ASIC2: variants seen among roughly 807,000 people sequenced by gnomAD.
The protein encoded by ASIC2 is acid sensing ion channel subunit 2, also known as acid-sensing ion channel 2.
Under a neutral mutation model 57.3 loss-of-function variants are expected in ASIC2, and 25 were observed. That is an observed-to-expected ratio of 0.44 (90% CI 0.32 to 0.61). The LOEUF (loss-of-function observed/expected upper bound fraction) is 0.61. Among genes scored for constraint, ASIC2 ranks in the 20% least tolerant of loss-of-function variants. The pLI, the probability that ASIC2 is intolerant of heterozygous loss-of-function variation, is 0.06. For synonymous variants in ASIC2, 319 were observed against 307.5 expected, an observed-to-expected ratio of 1.04 and a Z score of -0.39; for missense variants, 641 against 738.1, an observed-to-expected ratio of 0.87 and a Z score of 1.52.
At chr17:33,498,599 C>T (rs1360757959) in intron 1 of ASIC2, among the ~76,000 whole-genome samples, 4 of 143,216 alleles carry the variant, frequency 2.8e-5, no homozygotes, top group South Asian at 2.2e-4. Context: ...CTTGAATGCA[C>T]GGAGCTGCTC....
At chr17:33,813,683 G>A (rs1397643158) in intron 1 of ASIC2, among the ~76,000 whole-genome samples, 4 of 152,316 alleles carry the variant, frequency 2.6e-5, no homozygotes, top group African/African-American at 7.2e-5. Flanking sequence ...TGATCCGCCC[G>A]CCTGGGCCTC....
chr17:33,874,531 G>A (rs960873443), intron 1 of ASIC2, among the ~76,000 whole-genome samples: 1 of 152,166 alleles, frequency 6.6e-6, no homozygotes, highest in African/African-American at 2.4e-5. Flanking sequence ...TCTTGACCTC[G>A]AGCCCCAGTT....
intron 1 of ASIC2, among the ~76,000 whole-genome samples, chr17:33,113,879 C>G: frequency 6.6e-6 from 1 of 152,202 alleles, no homozygotes; most frequent in Admixed American, 6.5e-5. Flanking sequence ...AACACATGTG[C>G]CCTTTCTGCT....
chr17:33,398,446 C>A (rs1178995328), intron 1 of ASIC2, among the ~76,000 whole-genome samples: 1 of 152,112 alleles, frequency 6.6e-6, no homozygotes, highest in Non-Finnish European at 1.5e-5. Flanking sequence ...AGCATTGGGC[C>A]TCTTGGTGAT....
chr17:34,142,397 A>G (rs1021907447), intron 1 of ASIC2, among the ~76,000 whole-genome samples: 2 of 152,212 alleles, frequency 1.3e-5, no homozygotes, highest in Non-Finnish European at 2.9e-5. Context: ...TTAGAAGTCA[A>G]AAAGTTTGTG....
At chr17:33,916,895 C>T (rs2141962410) in intron 1 of ASIC2, among the ~76,000 whole-genome samples, 1 of 152,294 alleles carries the variant, frequency 6.6e-6, no homozygotes, top group East Asian at 1.9e-4. Context: ...GTAAATGGGG[C>T]TGCTGTGGGA....
chr17:33,326,576 G>A (rs320628), intron 1 of ASIC2, among the ~76,000 whole-genome samples: 126,940 of 152,230 alleles, frequency 0.83, 52,963 homozygotes, highest in East Asian at 1. Context: ...GCACTCAGTT[G>A]TCTAGCAATG....
chr17:33,879,759 T>C (rs188619131), intron 1 of ASIC2, among the ~76,000 whole-genome samples: 16 of 152,316 alleles, frequency 1.1e-4, no homozygotes, highest in African/African-American at 3.1e-4. Flanking sequence ...GCGGACCTTG[T>C]AGACATCTAC....
chr17:33,433,493 C>A (rs188862405), intron 1 of ASIC2, among the ~76,000 whole-genome samples: 1 of 152,290 alleles, frequency 6.6e-6, no homozygotes, highest in South Asian at 2.1e-4. Context: ...CAGTGGCTCA[C>A]GCCTGTAATC....
chr17:33,040,253 A>C (rs1403661023), intron 3 of ASIC2, among the ~76,000 whole-genome samples: 1 of 152,226 alleles, frequency 6.6e-6, no homozygotes, highest in Non-Finnish European at 1.5e-5. Context: ...ATGAAGAGAC[A>C]CACTCCAATG....
intron 1 of ASIC2, among the ~76,000 whole-genome samples, chr17:33,406,151 T>C (rs1440248975): frequency 6.6e-6 from 1 of 152,176 alleles, no homozygotes; most frequent in African/African-American, 2.4e-5. Flanking sequence ...AATATTTCAA[T>C]GTCATTGGCC....
At chr17:33,744,475 A>G (rs1910202192) in intron 1 of ASIC2, among the ~76,000 whole-genome samples, 1 of 152,216 alleles carries the variant, frequency 6.6e-6, no homozygotes, top group Non-Finnish European at 1.5e-5. Flanking sequence ...AGCAAGCAAC[A>G]CCAAAGGCTT....
At chr17:33,093,929 A>C (rs750405802) in intron 2 of ASIC2, among the ~76,000 whole-genome samples, 14 of 152,324 alleles carry the variant, frequency 9.2e-5, no homozygotes, top group Non-Finnish European at 1.8e-4. Flanking sequence ...GATACAAAGC[A>C]ATCTTGCTTT....
chr17:33,151,768 G>A (rs185190269), intron 1 of ASIC2, among the ~76,000 whole-genome samples: 2 of 152,278 alleles, frequency 1.3e-5, no homozygotes, highest in Admixed American at 6.5e-5. Flanking sequence ...GAAAGGCCTT[G>A]CCAGATGCAG....
intron 1 of ASIC2, among the ~76,000 whole-genome samples, chr17:33,768,082 C>T (rs1308862179): frequency 6.6e-6 from 1 of 151,790 alleles, no homozygotes; most frequent in Non-Finnish European, 1.5e-5. Context: ...GATCTCGGCT[C>T]ACTGCAAGCT....
chr17:33,319,251 C>T (rs1470465281), intron 1 of ASIC2, among the ~76,000 whole-genome samples: 1 of 152,168 alleles, frequency 6.6e-6, no homozygotes, highest in Non-Finnish European at 1.5e-5. Context: ...CCCCCAAAAA[C>T]TAGACTTTCA....
At chr17:33,895,614 C>A (rs990493956) in intron 1 of ASIC2, among the ~76,000 whole-genome samples, 2 of 152,164 alleles carry the variant, frequency 1.3e-5, no homozygotes, top group African/African-American at 4.8e-5. Context: ...TAAGGGGTTG[C>A]CTAGTTTACT....
intron 1 of ASIC2, among the ~76,000 whole-genome samples, chr17:33,850,246 T>C (rs1426884274): frequency 6.6e-6 from 1 of 152,180 alleles, no homozygotes; most frequent in Admixed American, 6.5e-5. Context: ...GCTGTATCCA[T>C]TTCCTCTCCT....
intron 1 of ASIC2, among the ~76,000 whole-genome samples, chr17:33,989,237 A>G (rs1905926383): frequency 6.6e-6 from 1 of 152,046 alleles, no homozygotes; most frequent in South Asian, 2.1e-4. Context: ...GAGTTTAGAG[A>G]TGAAGAAGAA....
Sources: allele counts gnomAD v4.1 joint callset (sites outside exome capture counted in the v4.1 genomes callset), GRCh38; gene constraint gnomAD v4.1.1; transcripts MANE v1.5; gene names NCBI Gene and HGNC (gene_info 2026-07-23, HGNC 2026-07-21).